The following KLF12 variants were observed in gnomAD, a reference collection of about 807,000 sequenced individuals.
KLF12 encodes the protein Krueppel-like factor 12.
In KLF12, 9 loss-of-function variants were observed where a neutral mutation model predicts 37.8. The observed-to-expected ratio is 0.24, with a 90% CI of 0.14 to 0.42. KLF12 has a LOEUF of 0.42. Ranked by LOEUF, KLF12 falls within the 10% of genes least tolerant of loss-of-function variation. The pLI, the probability that KLF12 is intolerant of heterozygous loss-of-function variation, is 1.00. For missense variants in KLF12, 411 were observed against 516.0 expected (o/e 0.80, Z 1.97); for synonymous variants, 208 against 202.1 (o/e 1.03, Z -0.25).
intron 1 of KLF12, among the ~76,000 whole-genome samples, chr13:74,078,127 G>A (rs898319858): frequency 1.3e-5 from 2 of 152,180 alleles, no homozygotes; most frequent in Non-Finnish European, 2.9e-5. Flanking sequence ...AAGGAAAGCA[G>A]TTACTGAGGG....
chr13:74,209,281 A>G, the KLF12 span, among the ~76,000 whole-genome samples: 1 of 152,052 alleles, frequency 6.6e-6, no homozygotes, highest in Non-Finnish European at 1.5e-5. Flanking sequence ...TAAGTGTCCG[A>G]GGCTAACTTT....
chr13:73,981,230 T>C (rs1891681021), intron 2 of KLF12, among the ~76,000 whole-genome samples: 1 of 152,166 alleles, frequency 6.6e-6, no homozygotes, highest in Non-Finnish European at 1.5e-5. Flanking sequence ...CCAGGAGAGT[T>C]GAAAATTTCT....
chr13:73,852,556 G>A (rs1468366733), intron 3 of KLF12, among the ~76,000 whole-genome samples: 1 of 152,096 alleles, frequency 6.6e-6, no homozygotes, highest in African/African-American at 2.4e-5. Context: ...CTGAGGCGGC[G>A]GATCACTTGA....
intron 6 of KLF12, among the ~76,000 whole-genome samples, chr13:73,744,005 T>G (rs900042497): frequency 2.0e-5 from 3 of 152,204 alleles, no homozygotes; most frequent in Non-Finnish European, 2.9e-5. Flanking sequence ...TTTAGTGACC[T>G]CTCCTATTTA....
At chr13:73,873,030 T>C (rs1036776404) in intron 3 of KLF12, among the ~76,000 whole-genome samples, 1 of 152,144 alleles carries the variant, frequency 6.6e-6, no homozygotes, top group Non-Finnish European at 1.5e-5. Context: ...CCTCTCTTTC[T>C]CCTATTTGCT....
At chr13:74,169,067 A>T in the KLF12 span, among the ~76,000 whole-genome samples, 5 of 152,160 alleles carry the variant, frequency 3.3e-5, no homozygotes, top group Non-Finnish European at 7.3e-5. Context: ...TGTATAGTTT[A>T]TTCTCAGGAA....
the KLF12 span, among the ~76,000 whole-genome samples, chr13:74,141,374 G>A: frequency 1.3e-5 from 2 of 151,922 alleles, no homozygotes; most frequent in African/African-American, 2.4e-5. Context: ...AGAAGAATAG[G>A]GAGAAAGAAA....
intron 1 of KLF12, among the ~76,000 whole-genome samples, chr13:74,091,277 A>G (rs1875640942): frequency 6.6e-6 from 1 of 152,226 alleles, no homozygotes; most frequent in Non-Finnish European, 1.5e-5. Flanking sequence ...TCTTAGAAGA[A>G]AATACAAGGG....
the KLF12 span, among the ~76,000 whole-genome samples, chr13:74,247,644 A>T: frequency 3.1e-3 from 477 of 152,014 alleles, 3 homozygotes; most frequent in African/African-American, 0.011. Context: ...TATTATTATT[A>T]TTTTTTTGTA....
chr13:74,062,153 GCA>G (rs1873631486), intron 1 of KLF12, among the ~76,000 whole-genome samples: 2 of 152,124 alleles, frequency 1.3e-5, no homozygotes, highest in South Asian at 4.1e-4. Flanking sequence ...ACCCCTGAGT[GCA>G]CCCATGTTAA....
At chr13:73,973,402 T>A (rs2138120988) in intron 2 of KLF12, among the ~76,000 whole-genome samples, 1 of 152,328 alleles carries the variant, frequency 6.6e-6, no homozygotes, top group South Asian at 2.1e-4. Flanking sequence ...GAGTGGCTCT[T>A]TGAAAAGGCA....
intron 1 of KLF12, among the ~76,000 whole-genome samples, chr13:74,083,535 C>A (rs892460984): frequency 7.0e-6 from 1 of 143,328 alleles, no homozygotes; most frequent in African/African-American, 2.5e-5. Flanking sequence ...CACACACACA[C>A]ACACAAACAT....
At chr13:73,741,104 C>A (rs1191462701) in intron 6 of KLF12, among the ~76,000 whole-genome samples, 1 of 152,142 alleles carries the variant, frequency 6.6e-6, no homozygotes, top group African/African-American at 2.4e-5. Flanking sequence ...AGTTAAATAT[C>A]CTCTAAAGAC....
rs201683039 is a variant in KLF12, at chr13:73,849,957, A to G, written c.124-3584T>C. 2.6e-5 allele frequency among the ~76,000 whole-genome samples: 4 copies of G among 152,210 alleles called. No homozygotes were observed. The East Asian group carries it at 7.7e-4, about 29-fold the overall frequency. The stretch of plus-strand genomic sequence containing the variant: ...CTCCTTCTAACAACATGAAGATTGT[A>G]TAAGAACACTGGATTTTTGTCAAAG... On this transcript the variant is annotated intron_variant, in intron 3 of 7. Transcript: ENST00000377669.
chr13:73,811,477 T>C (rs1882939176), intron 5 of KLF12, among the ~76,000 whole-genome samples: 1 of 152,180 alleles, frequency 6.6e-6, no homozygotes, highest in Non-Finnish European at 1.5e-5. Context: ...TTCCTCGTGG[T>C]TATAAACTTA....
the KLF12 span, among the ~76,000 whole-genome samples, chr13:74,273,996 G>C: frequency 6.6e-6 from 1 of 152,096 alleles, no homozygotes. Context: ...AAAAATAGAA[G>C]ACTGGCACAT....
At chr13:73,749,541 C>A (rs1183282013) in intron 6 of KLF12, among the ~76,000 whole-genome samples, 4 of 152,072 alleles carry the variant, frequency 2.6e-5, no homozygotes, top group African/African-American at 9.7e-5. Flanking sequence ...TTTTATTGGA[C>A]TAATTGCAAG....
chr13:74,185,153 A>T, the KLF12 span, among the ~76,000 whole-genome samples: 2 of 152,352 alleles, frequency 1.3e-5, no homozygotes, highest in South Asian at 4.1e-4. Flanking sequence ...CCCAATTGTT[A>T]ATATGTATGC....
chr13:74,124,974 G>A lies in KLF12; in HGVS notation c.-32+8765C>T, dbSNP rs576006874. On this transcript the variant is annotated intron_variant, in intron 1 of 7. Coordinates refer to ENST00000377669, the MANE Select transcript of KLF12 (RefSeq NM_007249.5). ...CAGCCTGGCCACCATGGTGAAACCC[G>A]TCTCTACTAAAAGCACAAAAAATCA... 3.3e-5 allele frequency among the ~76,000 whole-genome samples: 5 copies of A among 151,922 alleles called. No individual in the cohort carries two copies. In the South Asian group the frequency reaches 6.2e-4, roughly 19 times the overall value.
Sources: gnomAD v4.1 joint callset for allele counts (sites outside exome capture counted in the v4.1 genomes callset) on GRCh38, gnomAD v4.1.1 for gene constraint, MANE v1.5 for transcripts, NCBI Gene and HGNC (gene_info 2026-07-23, HGNC 2026-07-21) for gene names.